DERL2: variants seen among roughly 807,000 people sequenced by gnomAD.
DERL2 encodes the protein derlin-2.
Under a neutral mutation model 32.0 loss-of-function variants are expected in DERL2, and 13 were observed. That is an observed-to-expected ratio of 0.41 (90% CI 0.26 to 0.65). The LOEUF (loss-of-function observed/expected upper bound fraction) is 0.65. DERL2 is among the 30% of genes least tolerant of loss of function. The probability of loss-of-function intolerance (pLI) is 0.35; values close to 1 mark genes in which losing one functional copy is unlikely to be tolerated. For synonymous variants in DERL2, 111 were observed against 104.7 expected, an observed-to-expected ratio of 1.06 and a Z score of -0.37; for missense variants, 208 against 296.3, an observed-to-expected ratio of 0.70 and a Z score of 2.19.
At position 5,473,317 on chromosome 17, in the gene DERL2, T is replaced by C. The variant is rs1298782980; in HGVS notation, c.*1367A>G. On this transcript the variant is annotated 3_prime_UTR_variant, in exon 7 of 7. Coordinates refer to ENST00000158771, the MANE Select transcript of DERL2 (RefSeq NM_016041.5). ...TACTTAAGCAGTGTGAATGCAAACCTGCTGAGACTCAGGGAAGACTTAATA... is the reference window on the plus strand; with the variant it reads ...TACTTAAGCAGTGTGAATGCAAACCCGCTGAGACTCAGGGAAGACTTAATA... 6.6e-6 allele frequency: 1 copy of C among 152,200 alleles called. No individual in the cohort carries two copies. The highest frequency in any genetic ancestry group is 1.5e-5 in the Non-Finnish European group (1 of 68,028). 9.4% of individuals were successfully genotyped at this position (152,200 alleles called of 1,614,324 possible).
Position 5,476,556 on chromosome 17 carries a change from T to C in DERL2, c.615-1767A>G, listed in dbSNP as rs905837642. Among the ~76,000 whole-genome samples, 5 of 151,922 alleles carry C rather than the reference T, an allele frequency of 3.3e-5. No homozygotes were observed. The South Asian group carries it at 1.0e-3, about 32-fold the overall frequency. ...CAGCACTTTGGGAGGCCGAGGAGGG[T>C]GGATCACCTGAGGTCAGGAGTTCAA... On this transcript the variant is annotated intron_variant, in intron 6 of 6. Transcript: ENST00000158771.
intron 6 of DERL2, among the ~76,000 whole-genome samples, chr17:5,477,732 A>C (rs1237776155): frequency 6.6e-6 from 1 of 152,222 alleles, no homozygotes; most frequent in Non-Finnish European, 1.5e-5. Context: ...CAATAGGAAA[A>C]AAGCTAGAAT....
chr17:5,486,167 C>T lies in DERL2; in HGVS notation c.-6G>A, dbSNP rs747279186. The T allele has an allele frequency of 4.4e-6, 7 of 1,591,166 alleles. No individual in the cohort carries two copies. The South Asian group carries it at 7.9e-5, about 18-fold the overall frequency. On this transcript the variant is annotated 5_prime_UTR_variant, in exon 1 of 7. Transcript: ENST00000158771. Reference sequence around the variant, plus strand: ...CGCAAGCTCTGGTACGCCATCTTCCCCACCGTCGCCTGCCCCACCCCCCAC... The same window carrying T: ...CGCAAGCTCTGGTACGCCATCTTCCTCACCGTCGCCTGCCCCACCCCCCAC...
At position 5,474,691 on chromosome 17, in the gene DERL2, C is replaced by G. The variant is rs760016431; in HGVS notation, c.713G>C (p.Gly238Ala). 3.7e-6 allele frequency: 6 copies of G among 1,610,500 alleles called. No individual in the cohort carries two copies. The highest frequency in any genetic ancestry group is 1.3e-5 in the African/African-American group (1 of 74,624). Residue 238 changes from glycine to alanine, a missense_variant, in exon 7 of 7, where the codon GGA (glycine) becomes GCA (alanine). Physicochemically the swap from Gly to Ala is moderately conservative, Grantham distance 60. This residue lies in a region of DERL2 where 40 missense variants were observed against 38.7 expected (regional missense o/e 1.03). Coordinates refer to ENST00000158771, the MANE Select transcript of DERL2 (RefSeq NM_016041.5). The surrounding 1 kb of genome is among the most constrained non-coding windows in gnomAD (Gnocchi z 4.3). ...ATTATTGGCACTGCTGCTTTAACCT[C>G]CAAGCCGCTGGCCCTCACCCCAGGC... ...GFAWGEGQRLGG is the reference protein window; with the variant it reads ...GFAWGEGQRLAG
chr17:5,486,703 C>T (rs1274858593), upstream of DERL2: 2 of 152,868 alleles, frequency 1.3e-5, no homozygotes, highest in Non-Finnish European at 1.5e-5. Flanking sequence ...TGCGGGGCAG[C>T]ATTTTCTCTG....
At chr17:5,480,356 A>G (rs1175104614) in intron 5 of DERL2, 31 bp downstream of exon 5, 1 of 1,579,774 alleles carries the variant, frequency 6.3e-7, no homozygotes, top group Non-Finnish European at 8.6e-7. Flanking sequence ...TACAGGTAAA[A>G]TAATTTAAAA....
rs1377053410 is a variant in DERL2, at chr17:5,480,496, A to G, written c.414T>C (p.Tyr138=). ...GAAGGCCGAAGAAGTTCATGCGGAC[A>G]TAGGGGTTCCTTCGGCTCCACACAT... is the stretch of plus-strand genomic sequence containing the variant. ...LVYVWSRRNP[Y]VRMNFFGLLN... is the part of the protein sequence containing the mutation. The change falls in exon 5 of 7, where the codon TAT becomes TAC. Residue 138 remains tyrosine (Y), a synonymous_variant. Transcript: ENST00000158771. 5.0e-6 allele frequency: 8 copies of G among 1,610,876 alleles called. No homozygotes were observed. Among genetic ancestry groups the G allele is most frequent in the Admixed American group, 1.7e-5 (1 of 59,026 alleles).
Position 5,474,219 on chromosome 17 carries a change from T to C in DERL2, c.*465A>G, listed in dbSNP as rs1905252963. The C allele has an allele frequency of 6.6e-6, 1 of 152,370 alleles. No individual in the cohort carries two copies. Among genetic ancestry groups the C allele is most frequent in the Non-Finnish European group, 1.5e-5 (1 of 68,182 alleles). 9.4% of individuals were successfully genotyped at this position (152,370 alleles called of 1,614,324 possible). On this transcript the variant is annotated 3_prime_UTR_variant, in exon 7 of 7. Transcript: ENST00000158771. The surrounding 1 kb of genome is among the most constrained non-coding windows in gnomAD (Gnocchi z 4.3). ...GGAAGAACAGCTGTGTAAACTGTTC[T>C]GAGCTCAGATCTACGCAGGAGGGCT...
chr17:5,472,441 C>A lies in DERL2; in HGVS notation c.*2243G>T, dbSNP rs538351122. 1 of 152,304 alleles carries A rather than the reference C, an allele frequency of 6.6e-6. No individual in the cohort carries two copies. Among genetic ancestry groups the A allele is most frequent in the South Asian group, 2.1e-4 (1 of 4,816 alleles). 9.4% of individuals were successfully genotyped at this position (152,304 alleles called of 1,614,324 possible). A position where few individuals can be genotyped will look rare whatever the true frequency, so the allele number is the denominator to read the frequency against. ...AGGGCTAGGAATGGTGGTTGTAGGG[C>A]TGGCCAAACTGATGAGAGGTGATTG... On this transcript the variant is annotated 3_prime_UTR_variant, in exon 7 of 7. Transcript: ENST00000158771.
chr17:5,474,241 G>T lies in DERL2; in HGVS notation c.*443C>A, dbSNP rs1905254940. 1 of 152,962 alleles carries T rather than the reference G, an allele frequency of 6.5e-6. No homozygotes were observed. The highest frequency in any genetic ancestry group is 6.5e-5 in the Admixed American group (1 of 15,286). The allele number at this position is 152,962 out of a possible 1,614,324, so 9.5% of individuals were successfully genotyped here. A position where few individuals can be genotyped will look rare whatever the true frequency, so the allele number is the denominator to read the frequency against. On this transcript the variant is annotated 3_prime_UTR_variant, in exon 7 of 7. Transcript: ENST00000158771. This position sits in a 1 kb window ranked among gnomAD's most constrained non-coding sequence, Gnocchi z 4.3. Reference sequence around the variant, plus strand: ...TTCTGAGCTCAGATCTACGCAGGAGGGCTACAATACATTATCAGAATTTAA... The same window carrying T: ...TTCTGAGCTCAGATCTACGCAGGAGTGCTACAATACATTATCAGAATTTAA...
At position 5,473,171 on chromosome 17, in the gene DERL2, GAAC is replaced by G. The variant is rs1905197931; in HGVS notation, c.*1510_*1512del. 6.6e-6 allele frequency: 1 copy of G among 152,212 alleles called. No homozygotes were observed. The highest frequency in any genetic ancestry group is 2.4e-5 in the African/African-American group (1 of 41,446). The allele number at this position is 152,212 out of a possible 1,614,324, so 9.4% of individuals were successfully genotyped here. ...AGCTACCCCTTAACAAAGGTTGAATGAACTACTACTAACAATCCACTTTTGGGA... is the reference window on the plus strand; with the variant it reads ...AGCTACCCCTTAACAAAGGTTGAATGTACTACTAACAATCCACTTTTGGGA... On this transcript the variant is annotated 3_prime_UTR_variant, in exon 7 of 7. Coordinates refer to ENST00000158771, the MANE Select transcript of DERL2 (RefSeq NM_016041.5).
At chr17:5,485,824 A>G (rs951135290) in intron 1 of DERL2, 3 of 398,946 alleles carry the variant, frequency 7.5e-6, no homozygotes, top group African/African-American at 6.2e-5. Context: ...CGCAACCCTA[A>G]CCCGCTATAG....
chr17:5,480,126 A>G lies in DERL2; in HGVS notation c.542T>C (p.Ile181Thr), dbSNP rs1905675760. Residue 181 changes from isoleucine (I) to threonine (T), a missense_variant, in exon 6 of 7, where the codon ATA becomes ACA. By Grantham distance (89) the Ile-to-Thr change is moderately conservative. Transcript: ENST00000158771. ...AAATACATCTTCCAAGAAAAAATAT[A>G]TGTGTCCAACTGCAATACCTAGAGT... is the stretch of plus-strand genomic sequence containing the variant. ...VDLLGIAVGH[I>T]YFFLEDVFPN... 3 of 1,607,818 alleles carry G rather than the reference A, an allele frequency of 1.9e-6. No individual in the cohort carries two copies. The highest frequency in any genetic ancestry group is 1.1e-5 in the South Asian group (1 of 90,864).
At chr17:5,480,178 G>T (rs776969312) in intron 5 of DERL2, 34 bp from the exon 6 acceptor site, 2 of 1,459,744 alleles carry the variant, frequency 1.4e-6, no homozygotes, top group South Asian at 1.2e-5. Context: ...ATGAGGGAGA[G>T]AATTAAAATT....
Position 5,482,810 on chromosome 17 carries a change from G to A in DERL2, c.232C>T (p.Leu78=). 2.0e-6 allele frequency: 3 copies of A among 1,482,856 alleles called. No homozygotes were observed. The highest frequency in any genetic ancestry group is 2.8e-6 in the Non-Finnish European group (3 of 1,081,942). 91.9% of individuals were successfully genotyped at this position (1,482,856 alleles called of 1,614,324 possible). A position where few individuals can be genotyped will look rare whatever the true frequency, so the allele number is the denominator to read the frequency against. ...CTGACCCCATTTAATAAAGGATACA[G>A]AAAAATCATGTTAAATAAAAAATTG... ...GFNFLFNMIF[L]YRYCRMLEEG... The change falls in exon 3 of 7, where the codon CTA becomes TTA. Residue 78 remains leucine, a splice_region_variant and synonymous_variant. Coordinates refer to ENST00000158771, the MANE Select transcript of DERL2 (RefSeq NM_016041.5).
At chr17:5,485,111 G>T in intron 2 of DERL2, 40 bp downstream of exon 2, 2 of 1,395,400 alleles carry the variant, frequency 1.4e-6, no homozygotes, top group Non-Finnish European at 2.0e-6. Context: ...AGAAAAAGAA[G>T]AAACTGAAGC....
Position 5,481,330 on chromosome 17 carries a change from A to G in DERL2, c.293T>C (p.Val98Ala). The change falls in exon 4 of 7, where the codon GTA becomes GCA. Residue 98 changes from valine (V) to alanine (A), a missense_variant. By Grantham distance (64) the Val-to-Ala change is moderately conservative. Transcript: ENST00000158771. This position sits in a 1 kb window ranked among gnomAD's most constrained non-coding sequence, Gnocchi z 4.4. ...GSFRGRTADF[V>A]FMFLFGGFLM... is the part of the protein sequence containing the mutation. ...GAATCCACCAAAAAGGAACATAAAT[A>G]CAAAGTCTGCTGTCCGACCTCGGAA... 1 of 1,614,156 alleles carries G rather than the reference A, an allele frequency of 6.2e-7. No individual in the cohort carries two copies. The highest frequency in any genetic ancestry group is 8.5e-7 in the Non-Finnish European group (1 of 1,179,984).
At chr17:5,476,383 G>GA (rs957387756) in intron 6 of DERL2, among the ~76,000 whole-genome samples, 1 of 152,080 alleles carries the variant, frequency 6.6e-6, no homozygotes, top group African/African-American at 2.4e-5. Flanking sequence ...CATACCAACA[G>GA]AAAAAATGGG....
upstream of DERL2, chr17:5,486,197 C>CA (rs1441998964): frequency 8.1e-7 from 1 of 1,231,132 alleles, no homozygotes; most frequent in African/African-American, 1.6e-5. Context: ...CCCCACCCAC[C>CA]CCATTTCCCC....
Sources: gnomAD v4.1 joint callset for allele counts (sites outside exome capture counted in the v4.1 genomes callset) on GRCh38, gnomAD v4.1.1 for gene constraint, gnomAD v4.1.1 regional missense constraint, Gnocchi (gnomAD v3.1) non-coding constraint, MANE v1.5 for transcripts, NCBI Gene and HGNC (gene_info 2026-07-23, HGNC 2026-07-21) for gene names.